Variants in CCSER1 observed in about 807,000 individuals in gnomAD.
CCSER1 encodes the protein coiled-coil serine rich protein 1, also known as serine-rich coiled-coil domain-containing protein 1.
Under a neutral mutation model 82.0 loss-of-function variants are expected in CCSER1, and 41 were observed. The observed-to-expected ratio is 0.50, with a 90% CI of 0.39 to 0.65. The LOEUF (loss-of-function observed/expected upper bound fraction) is 0.65, where lower values mean the gene tolerates loss of function less well. CCSER1 is among the 30% of genes least tolerant of loss of function. The pLI is 0.00. For synonymous variants in CCSER1, 414 were observed against 383.9 expected (o/e 1.08, Z -0.92); for missense variants, 1,119 against 1,064.2 (o/e 1.05, Z -0.72).
Position 90,757,227 on chromosome 4 carries a change from T to G in CCSER1, c.2010+33236T>G, listed in dbSNP as rs1183063510. 2.6e-5 allele frequency among the ~76,000 whole-genome samples: 4 copies of G among 152,128 alleles called. 1 individual carries two copies. In the South Asian group the frequency reaches 8.3e-4, roughly 32 times the overall value. On this transcript the variant is annotated intron_variant, in intron 7 of 10. Coordinates refer to ENST00000509176, the MANE Select transcript of CCSER1 (RefSeq NM_001145065.2). ...CAAAACCCCATTCTATAAAATAGAG[T>G]AGGTGTTCCAATTAGCTGAGAAAAG...
At chr4:90,784,315 T>G (rs1005530526) in intron 7 of CCSER1, among the ~76,000 whole-genome samples, 2 of 152,220 alleles carry the variant, frequency 1.3e-5, no homozygotes, top group African/African-American at 4.8e-5. Context: ...TGAAGACAAT[T>G]TATAGCACAC....
At chr4:91,455,689 A>T (rs1038786432) in intron 10 of CCSER1, among the ~76,000 whole-genome samples, 7 of 152,220 alleles carry the variant, frequency 4.6e-5, no homozygotes, top group Non-Finnish European at 1.0e-4. Context: ...AGGCGTGATT[A>T]TGCCTTTTCT....
intron 10 of CCSER1, among the ~76,000 whole-genome samples, chr4:91,266,258 T>A (rs1741566904): frequency 6.6e-6 from 1 of 150,970 alleles, no homozygotes; most frequent in African/African-American, 2.4e-5. Flanking sequence ...TGGTTTGTTT[T>A]GTTTTTTTTT....
At chr4:91,564,773 G>A (rs1052259899) in intron 10 of CCSER1, among the ~76,000 whole-genome samples, 15 of 151,838 alleles carry the variant, frequency 9.9e-5, no homozygotes, top group Admixed American at 1.3e-4. Flanking sequence ...TATCAATGCT[G>A]GATATTAGAC....
chr4:90,206,344 A>G (rs2153410469), intron 1 of CCSER1, among the ~76,000 whole-genome samples: 1 of 152,236 alleles, frequency 6.6e-6, no homozygotes, highest in African/African-American at 2.4e-5. Flanking sequence ...TACTGCTATA[A>G]ATTTCCCTCT....
rs1347991512 is a variant in CCSER1, at chr4:91,154,231, T to A, written c.2217+68237T>A. 1.3e-5 allele frequency among the ~76,000 whole-genome samples: 2 copies of A among 152,038 alleles called. 1 individual carries two copies. The highest frequency in any genetic ancestry group is 2.9e-5 in the Non-Finnish European group (2 of 67,914). ...TATGGCAAACGCCCCTCCCCCAGCC[T>A]TGCTGCCACCTTGCAGTTTGATCTC... On this transcript the variant is annotated intron_variant, in intron 10 of 10. Coordinates refer to ENST00000509176, the MANE Select transcript of CCSER1 (RefSeq NM_001145065.2).
At chr4:91,512,981 G>A (rs1759909903) in intron 10 of CCSER1, among the ~76,000 whole-genome samples, 1 of 151,810 alleles carries the variant, frequency 6.6e-6, no homozygotes. Context: ...GATTTTTCTG[G>A]CAAGGATTTC....
At chr4:91,407,053 A>T (rs1419586839) in intron 10 of CCSER1, among the ~76,000 whole-genome samples, 3 of 152,010 alleles carry the variant, frequency 2.0e-5, no homozygotes, top group African/African-American at 7.2e-5. Context: ...AGCCCCTTTA[A>T]CCCTTCTTGC....
chr4:90,529,814 T>C (rs1309244554), intron 5 of CCSER1, among the ~76,000 whole-genome samples: 2 of 151,974 alleles, frequency 1.3e-5, no homozygotes, highest in Admixed American at 1.3e-4. Context: ...TACAAACTAC[T>C]ACATGAGGGC....
chr4:90,162,135 C>A (rs77255475), intron 1 of CCSER1, among the ~76,000 whole-genome samples: 4,434 of 152,194 alleles, frequency 0.029, 106 homozygotes, highest in South Asian at 0.06. Flanking sequence ...GAACCAGTTT[C>A]TCTCAGGCTT....
intron 9 of CCSER1, among the ~76,000 whole-genome samples, chr4:91,059,676 A>G (rs1330355938): frequency 3.3e-5 from 5 of 151,906 alleles, no homozygotes; most frequent in African/African-American, 1.2e-4. Flanking sequence ...AGCAATCTGT[A>G]AGCCCATCAG....
intron 6 of CCSER1, among the ~76,000 whole-genome samples, chr4:90,716,107 T>G (rs1179039283): frequency 1.3e-5 from 2 of 151,420 alleles, no homozygotes; most frequent in African/African-American, 4.8e-5. Context: ...TATATAAATA[T>G]TTGTGTATAT....
chr4:90,233,737 A>T (rs533340042), intron 1 of CCSER1, among the ~76,000 whole-genome samples: 3 of 151,876 alleles, frequency 2.0e-5, no homozygotes, highest in African/African-American at 7.2e-5. Flanking sequence ...AAAAAGAGAA[A>T]ATTATTATAG....
intron 10 of CCSER1, among the ~76,000 whole-genome samples, chr4:91,440,568 G>A (rs943964885): frequency 6.6e-6 from 1 of 152,040 alleles, no homozygotes; most frequent in African/African-American, 2.4e-5. Flanking sequence ...AACTAGAGAA[G>A]CAACAGCAAA....
intron 3 of CCSER1, among the ~76,000 whole-genome samples, chr4:90,368,660 G>A (rs1197900807): frequency 6.6e-6 from 1 of 151,620 alleles, no homozygotes; most frequent in African/African-American, 2.4e-5. Context: ...TTACTCAAAT[G>A]TCATCTCTCA....
intron 5 of CCSER1, among the ~76,000 whole-genome samples, chr4:90,533,920 T>A (rs1379543708): frequency 1.3e-5 from 2 of 152,208 alleles, no homozygotes; most frequent in South Asian, 2.1e-4. Context: ...AGATATCATG[T>A]CAGGTGCTTT....
intron 5 of CCSER1, among the ~76,000 whole-genome samples, chr4:90,536,942 C>T (rs143885823): frequency 3.3e-5 from 5 of 152,208 alleles, no homozygotes; most frequent in Admixed American, 6.5e-5. Context: ...TGAATTTTCT[C>T]GTTTGTTCTC....
In CCSER1 at chr4:91,322,464, A is replaced by G. The variant is rs1252359887; in HGVS notation, c.2217+236470A>G. Among the ~76,000 whole-genome samples the G allele has an allele frequency of 4.6e-5, 7 of 152,188 alleles. No homozygotes were observed. In the East Asian group the frequency reaches 1.2e-3, roughly 25 times the overall value. ...TTGTGAAGAAATTGTTAATAAAACA[A>G]CTACTTCTAAAAGTGATTTCAATAC... On this transcript the variant is annotated intron_variant, in intron 10 of 10. Coordinates refer to ENST00000509176, the MANE Select transcript of CCSER1 (RefSeq NM_001145065.2).
At chr4:91,003,216 C>A (rs114654781) in intron 9 of CCSER1, among the ~76,000 whole-genome samples, 1 of 152,030 alleles carries the variant, frequency 6.6e-6, no homozygotes, top group East Asian at 1.9e-4. Context: ...TATTTTTGTA[C>A]GAGTGGGCCT....
Sources: gnomAD v4.1 joint callset for allele counts (sites outside exome capture counted in the v4.1 genomes callset) on GRCh38, gnomAD v4.1.1 for gene constraint, MANE v1.5 for transcripts, NCBI Gene and HGNC (gene_info 2026-07-23, HGNC 2026-07-21) for gene names.